Variants in ITGAX observed in about 807,000 individuals in gnomAD.
The protein encoded by ITGAX is integrin subunit alpha X.
Under a neutral mutation model 140.2 loss-of-function variants are expected in ITGAX, and 99 were observed. The ratio of observed to expected loss-of-function variants is 0.71; its 90% confidence interval spans 0.60 to 0.83. The LOEUF is 0.83. ITGAX is among the 40% of genes least tolerant of loss of function. The probability of loss-of-function intolerance (pLI) is 0.00; values close to 1 mark genes in which losing one functional copy is unlikely to be tolerated. For synonymous variants in ITGAX, 631 were observed against 600.4 expected (o/e 1.05, Z -0.75); for missense variants, 1,444 against 1,482.0 (o/e 0.97, Z 0.42).
intron 20 of ITGAX, among the ~76,000 whole-genome samples, chr16:31,374,030 T>C (rs904600963): frequency 6.6e-6 from 1 of 152,232 alleles, no homozygotes; most frequent in African/African-American, 2.4e-5. Flanking sequence ...GGCTCACGCC[T>C]GTAATCCCAG....
At chr16:31,370,381 T>C (rs1186154004) in intron 14 of ITGAX, among the ~76,000 whole-genome samples, 1 of 152,170 alleles carries the variant, frequency 6.6e-6, no homozygotes, top group African/African-American at 2.4e-5. Flanking sequence ...GGGGAGGCAG[T>C]GCCTGGGAGG....
rs1347110162 is a variant in ITGAX at position 31,381,898 on chromosome 16, T to TG, written c.3484dup (p.Glu1162GlyfsTer80). The TG allele has an allele frequency of 1.1e-6, 1 of 915,384 alleles. No homozygotes were observed. Among genetic ancestry groups the TG allele is most frequent in the African/African-American group, 1.6e-5 (1 of 61,830 alleles). The allele number at this position is 915,384 out of a possible 1,614,324, so 56.7% of individuals were successfully genotyped here. On this transcript the variant is annotated frameshift_variant, in exon 30 of 30. Transcript: ENST00000268296. LOFTEE classifies it high-confidence loss of function. ...GGACACAGACCCCCAGCCCGCCCAG[T>TG]GAGAAATGATCCCCTCTTTGCCTTG...
chr16:31,364,869 A>G (rs76314256), intron 14 of ITGAX, among the ~76,000 whole-genome samples: 4 of 143,378 alleles, frequency 2.8e-5, no homozygotes, highest in African/African-American at 1.1e-4. Context: ...AAAAAAAAAA[A>G]TTAGCTGGGC....
chr16:31,363,134 G>T (rs761009530), intron 13 of ITGAX, 31 bp from the exon 14 acceptor site: 1 of 1,607,474 alleles, frequency 6.2e-7, no homozygotes. Context: ...GGGTTGCCCG[G>T]GTTGGGCCTG....
intron 23 of ITGAX, among the ~76,000 whole-genome samples, chr16:31,378,470 ATT>A (rs1269028785): frequency 1.4e-5 from 2 of 144,988 alleles, no homozygotes; most frequent in Non-Finnish European, 3.1e-5. Flanking sequence ...TCTTTGCCTC[ATT>A]TTTTTTTTTT....
At position 31,355,959 on chromosome 16, in the gene ITGAX, C is replaced by A. The variant is rs1318152341; in HGVS notation, c.104C>A (p.Ala35Asp). The change falls in exon 2 of 30, where the codon GCT (alanine) becomes GAT (aspartate). Residue 35 changes from alanine (A) to aspartate (D), a missense_variant. Transcript: ENST00000268296. ...EELTAFRVDS[A>D]GFGDSVVQYA... ...CTGACAGCCTTCCGTGTGGACAGCG[C>A]TGGGTTTGGAGACAGCGTGGTCCAG... The A allele has an allele frequency of 6.2e-7, 1 of 1,613,832 alleles. No individual in the cohort carries two copies. Among genetic ancestry groups the A allele is most frequent in the Admixed American group, 1.7e-5 (1 of 60,004 alleles).
At position 31,382,249 on chromosome 16, in the gene ITGAX, C is replaced by CTTTTTTTTTTTTTTTTTTTCTTTT; in HGVS notation, c.*356_*357insTTTTTCTTTTTTTTTTTTTTTTTT. On this transcript the variant is annotated 3_prime_UTR_variant, in exon 30 of 30. Coordinates refer to ENST00000268296, the MANE Select transcript of ITGAX (RefSeq NM_000887.5). The stretch of plus-strand genomic sequence containing the variant: ...CTTTCTTTTTTTTTTTTTTTCTTTT[C>CTTTTTTTTTTTTTTTTTTTCTTTT]TTTTTTTTTTTTTTGAGACGGAGTC... 1 of 658,768 alleles carries CTTTTTTTTTTTTTTTTTTTCTTTT rather than the reference C, an allele frequency of 1.5e-6. No homozygotes were observed. The highest frequency in any genetic ancestry group is 1.9e-6 in the Non-Finnish European group (1 of 533,366). The allele number at this position is 658,768 out of a possible 1,614,324, so 40.8% of individuals were successfully genotyped here. A position where few individuals can be genotyped will look rare whatever the true frequency, so the allele number is the denominator to read the frequency against.
rs771872674 is a variant in ITGAX at position 31,380,994 on chromosome 16, C to T, written c.3374C>T (p.Ala1125Val). The T allele has an allele frequency of 2.2e-5, 36 of 1,613,228 alleles. No homozygotes were observed. The highest frequency in any genetic ancestry group is 2.2e-4 in the East Asian group (10 of 44,900). ...GGLLLLALIT[A>V]VLYKVGFFKR... ...CTGTTGCTGCTGGCACTCATCACAGCGGTACTGTACAAAGTGAGTGTTTTA... is the reference window on the plus strand; with the variant it reads ...CTGTTGCTGCTGGCACTCATCACAGTGGTACTGTACAAAGTGAGTGTTTTA... The change falls in exon 29 of 30, where the codon GCG (alanine) becomes GTG (valine). Residue 1125 changes from alanine (A) to valine (V), a missense_variant. By Grantham distance (64) the Ala-to-Val change is moderately conservative. Transcript: ENST00000268296.
chr16:31,371,758 T>C lies in ITGAX; in HGVS notation c.2134T>C (p.Cys712Arg), dbSNP rs141438842. ...RVRVLGLKAHCENFNLLLPSC... is the reference protein window; with the variant it reads ...RVRVLGLKAHRENFNLLLPSC... ...CCGAGTCCTCGGGCTGAAGGCACAC[T>C]GTGAAAACTTCAACCTGCTGCTCCC... Residue 712 changes from cysteine (C) to arginine (R), a missense_variant, in exon 17 of 30, where the codon TGT becomes CGT. Cys to Arg is a radical substitution (Grantham distance 180). Transcript: ENST00000268296. 1.1e-4 allele frequency: 184 copies of C among 1,614,026 alleles called. No individual in the cohort carries two copies. Among genetic ancestry groups the C allele is most frequent in the Admixed American group, 7.0e-4 (42 of 60,014 alleles).
At position 31,362,756 on chromosome 16, in the gene ITGAX, T is replaced by G. The variant is rs2080846233; in HGVS notation, c.1359+3T>G. The G allele has an allele frequency of 6.2e-7, 1 of 1,612,328 alleles. No homozygotes were observed. Among genetic ancestry groups the G allele is most frequent in the Non-Finnish European group, 8.5e-7 (1 of 1,179,508 alleles). On this transcript the variant is annotated splice_donor_region_variant and intron_variant, in intron 12 of 29. Coordinates refer to ENST00000268296, the MANE Select transcript of ITGAX (RefSeq NM_000887.5). ...AGGCCGAAGTCACGGGGACTCAGGT[T>G]GGGCGTGACAGGAGCCAGAGGGGAG...
intron 20 of ITGAX, among the ~76,000 whole-genome samples, chr16:31,373,644 T>C (rs1436315955): frequency 3.9e-5 from 6 of 152,252 alleles, no homozygotes; most frequent in Non-Finnish European, 1.5e-5. Context: ...TCAGTATTCC[T>C]CTTTTAAATG....
At position 31,356,641 on chromosome 16, in the gene ITGAX, C is replaced by T. The variant is rs776790495; in HGVS notation, c.160C>T (p.Pro54Ser). 74 of 1,599,068 alleles carry T rather than the reference C, an allele frequency of 4.6e-5. No individual in the cohort carries two copies. Among genetic ancestry groups the T allele is most frequent in the African/African-American group, 1.3e-4 (10 of 74,858 alleles). The change falls in exon 3 of 30, where the codon CCC (proline) becomes TCC (serine). Residue 54 changes from proline (P) to serine (S), a missense_variant. Pro to Ser is a moderately conservative substitution (Grantham distance 74). Transcript: ENST00000268296. ...YANSWVVVGA[P>S]QKITAANQTG... ...TCCTCGCAGGGTGGTGGTTGGAGCC[C>T]CCCAAAAGATAACAGCTGCCAACCA...
intron 14 of ITGAX, among the ~76,000 whole-genome samples, chr16:31,368,938 C>T (rs1443647225): frequency 6.6e-6 from 1 of 152,202 alleles, no homozygotes; most frequent in African/African-American, 2.4e-5. Flanking sequence ...GGTCACAGAT[C>T]AAGAGGATCC....
rs745741779 is a variant in ITGAX, at chr16:31,362,993, C to A, written c.1418C>A (p.Thr473Asn). The A allele has an allele frequency of 1.2e-6, 2 of 1,611,858 alleles. No individual in the cohort carries two copies. The highest frequency in any genetic ancestry group is 3.3e-5 in the Admixed American group (2 of 59,970). The change falls in exon 13 of 30, where the codon ACC becomes AAC. Residue 473 changes from threonine to asparagine, a missense_variant. Coordinates refer to ENST00000268296, the MANE Select transcript of ITGAX (RefSeq NM_000887.5). ...CSVDVDSDGSTDLVLIGAPHY... is the reference protein window; with the variant it reads ...CSVDVDSDGSNDLVLIGAPHY... ...GTGGACGTAGACAGCGACGGCAGCA[C>A]CGACCTGGTCCTCATCGGGGCCCCC...
chr16:31,361,796 G>A (rs760131618), intron 9 of ITGAX, 40 bp from the exon 10 acceptor site: 84 of 1,605,820 alleles, frequency 5.2e-5, no homozygotes, highest in Non-Finnish European at 6.7e-5. Context: ...GGCAAAGCCC[G>A]TCTCCCTCCC....
chr16:31,363,224 CT>C lies in ITGAX; in HGVS notation c.1563del (p.Phe521LeufsTer5), dbSNP rs781065791. 4 of 1,613,334 alleles carry C rather than the reference CT, an allele frequency of 2.5e-6. No homozygotes were observed. ...GGGAGCAGGGCCACCCCTGGGGTCG[CT>C]TTGGGGCGGCTCTGACAGTGCTGGG... ...YGEQGHPWGRFGAALTVLGDV... is the reference protein window; with the variant it reads ...YGEQGHPWGRXGAALTVLGDV... On this transcript the variant is annotated frameshift_variant, in exon 14 of 30. Transcript: ENST00000268296. LOFTEE classifies it high-confidence loss of function.
intron 2 of ITGAX, 68 bp downstream of exon 2, chr16:31,356,066 G>GGCCCT (rs2080757157): frequency 9.0e-7 from 1 of 1,112,038 alleles, no homozygotes; most frequent in African/African-American, 1.6e-5. Flanking sequence ...CCATGCCCCC[G>GGCCCT]GCCCTGCCCT....
In ITGAX at chr16:31,361,232, C is replaced by G. The variant is rs1460479316; in HGVS notation, c.1012+19C>G. On this transcript the variant is annotated intron_variant, in intron 9 of 29. Transcript: ENST00000268296. ...ATTGAGGGTGAGTCTGAAGGGAGCT[C>G]TTCGCTTGGGGAATCCTCAGCCGTT... is the stretch of plus-strand genomic sequence containing the variant. 1 of 1,592,442 alleles carries G rather than the reference C, an allele frequency of 6.3e-7. No homozygotes were observed. Among genetic ancestry groups the G allele is most frequent in the Non-Finnish European group, 8.5e-7 (1 of 1,169,814 alleles).
intron 9 of ITGAX, chr16:31,361,559 C>G (rs2080825822): frequency 2.8e-6 from 2 of 708,570 alleles, no homozygotes; most frequent in Admixed American, 4.8e-5. Flanking sequence ...CTCCCCTGGG[C>G]AAGGGGCACA....
Sources: allele counts gnomAD v4.1 joint callset (sites outside exome capture counted in the v4.1 genomes callset), GRCh38; gene constraint gnomAD v4.1.1; transcripts MANE v1.5; gene names NCBI Gene and HGNC (gene_info 2026-07-23, HGNC 2026-07-21).